HTR2C: variants seen among roughly 807,000 people sequenced by gnomAD.
The protein encoded by HTR2C is 5-hydroxytryptamine (serotonin) receptor 2C, G protein-coupled.
Under a neutral mutation model 21.0 loss-of-function variants are expected in HTR2C, and 5 were observed. The ratio of observed to expected loss-of-function variants is 0.24; its 90% CI spans 0.12 to 0.50. The LOEUF (loss-of-function observed/expected upper bound fraction) is 0.50. Among genes scored for constraint, HTR2C ranks in the 20% least tolerant of loss-of-function variants. HTR2C has a pLI of 0.98. For missense variants in HTR2C, 271 were observed against 371.2 expected (o/e 0.73, Z 2.22); for synonymous variants, 150 against 145.3 (o/e 1.03, Z -0.23).
chrX:114,735,390 A>G (rs1556424267), intron 4 of HTR2C, among the ~76,000 whole-genome samples: 1 of 111,744 alleles, frequency 8.9e-6, no homozygotes, highest in African/African-American at 3.2e-5. Context: ...TTCATCTAAC[A>G]AAGGGATGAC....
At chrX:114,731,153 G>C (rs1354502952) in intron 3 of HTR2C, 141 bp from the exon 4 acceptor site, 3 of 449,227 alleles carry the variant, frequency 6.7e-6, no homozygotes, top group Non-Finnish European at 1.2e-5. Flanking sequence ...TAAGAGAGTA[G>C]AAATAATGAT....
At chrX:114,753,330 A>G (rs147298128) in intron 4 of HTR2C, among the ~76,000 whole-genome samples, 3,467 of 111,910 alleles carry the variant, frequency 0.031, 53 homozygotes, top group Non-Finnish European at 0.048. Flanking sequence ...AAGGATATCA[A>G]TGTTCACCAC....
chrX:114,830,604 A>AT (rs1481508700), intron 4 of HTR2C, among the ~76,000 whole-genome samples: 1 of 107,515 alleles, frequency 9.3e-6, no homozygotes, highest in Non-Finnish European at 1.9e-5. Context: ...TTATTTATTT[A>AT]TTTTTTTTAG....
chrX:114,600,936 C>A (rs1928060155), intron 1 of HTR2C, among the ~76,000 whole-genome samples: 1 of 111,352 alleles, frequency 9.0e-6, no homozygotes, highest in African/African-American at 3.3e-5. Flanking sequence ...GAATTGTTTT[C>A]TTTAATTTTT....
chrX:114,796,902 A>C (rs1304265652), intron 4 of HTR2C, among the ~76,000 whole-genome samples: 1 of 111,743 alleles, frequency 8.9e-6, no homozygotes, highest in Non-Finnish European at 1.9e-5. Flanking sequence ...GGTCATGCAG[A>C]TGCATATTCC....
intron 5 of HTR2C, among the ~76,000 whole-genome samples, chrX:114,902,379 G>A (rs1396174882): frequency 9.1e-6 from 1 of 110,419 alleles, no homozygotes; most frequent in East Asian, 2.8e-4. Context: ...CAAAATAATC[G>A]AGGACTCCAA....
At chrX:114,893,253 G>A (rs2071272330) in intron 5 of HTR2C, among the ~76,000 whole-genome samples, 1 of 110,479 alleles carries the variant, frequency 9.1e-6, no homozygotes, top group African/African-American at 3.3e-5. Flanking sequence ...GGACCTAGGA[G>A]AGTTAAAATA....
chrX:114,837,300 A>G (rs782184118), intron 4 of HTR2C, among the ~76,000 whole-genome samples: 1 of 112,147 alleles, frequency 8.9e-6, no homozygotes, highest in Admixed American at 9.5e-5. Context: ...TCACAAGTAA[A>G]TACATTTGGA....
chrX:114,819,994 A>T (rs1456571265), intron 4 of HTR2C, among the ~76,000 whole-genome samples: 11 of 109,817 alleles, frequency 1.0e-4, no homozygotes, highest in African/African-American at 3.6e-4. Context: ...TTTAATCTCT[A>T]TTTTAACATT....
At chrX:114,880,898 GT>G (rs2071176279) in intron 5 of HTR2C, among the ~76,000 whole-genome samples, 1 of 110,879 alleles carries the variant, frequency 9.0e-6, no homozygotes, top group African/African-American at 3.3e-5. Context: ...CAAAGATTTT[GT>G]TTAAATACTT....
chrX:114,661,326 C>T (rs868930739), intron 2 of HTR2C, among the ~76,000 whole-genome samples: 1 of 110,196 alleles, frequency 9.1e-6, no homozygotes, highest in Non-Finnish European at 1.9e-5. Context: ...CCTCTAGTCC[C>T]AGCTACTCGG....
At chrX:114,792,995 T>G (rs2147415631) in intron 4 of HTR2C, among the ~76,000 whole-genome samples, 1 of 112,077 alleles carries the variant, frequency 8.9e-6, no homozygotes, top group South Asian at 3.7e-4. Context: ...TTTAAGTTCC[T>G]TTTAAATGCT....
chrX:114,806,449 CTGTATATATAT>C (rs2070440301), intron 4 of HTR2C, among the ~76,000 whole-genome samples: 5 of 80,154 alleles, frequency 6.2e-5, no homozygotes, highest in African/African-American at 2.6e-4. Context: ...TATATATATA[CTGTATATATAT>C]ACACCATATA....
Position 114,907,489 on chromosome X carries a change from T to C in HTR2C, c.*74T>C. 1 of 754,902 alleles carries C rather than the reference T, an allele frequency of 1.3e-6. No individual in the cohort carries two copies. Among genetic ancestry groups the C allele is most frequent in the Non-Finnish European group, 2.0e-6 (1 of 504,635 alleles). The allele number at this position is 754,902 out of a possible 1,213,427, so 62.2% of individuals were successfully genotyped here. On this transcript the variant is annotated 3_prime_UTR_variant, in exon 6 of 6. Transcript: ENST00000276198. ...AAATTTTCTTCTTTAATTTTTCTGTTGGTCTTAACTAATGTAAATATTGCT... is the reference window on the plus strand; with the variant it reads ...AAATTTTCTTCTTTAATTTTTCTGTCGGTCTTAACTAATGTAAATATTGCT...
intron 2 of HTR2C, among the ~76,000 whole-genome samples, chrX:114,682,018 C>G (rs1931762923): frequency 9.0e-6 from 1 of 111,083 alleles, no homozygotes; most frequent in African/African-American, 3.3e-5. Context: ...TATTTTTCAT[C>G]TTGAGTAGCT....
chrX:114,805,614 TCATATATATACCATATATATAC>T (rs1227725014), intron 4 of HTR2C, among the ~76,000 whole-genome samples: 88 of 5,993 alleles, frequency 0.015, 21 homozygotes, highest in African/African-American at 0.055. Context: ...TATATACACA[TCATATATATACCATATATATAC>T]CATATATATA....
intron 2 of HTR2C, among the ~76,000 whole-genome samples, chrX:114,647,236 T>A (rs1344917226): frequency 8.9e-6 from 1 of 111,776 alleles, no homozygotes; most frequent in Admixed American, 9.6e-5. Context: ...GGATTTTAAA[T>A]GTTCTCCCTA....
chrX:114,794,089 T>A (rs144886300), intron 4 of HTR2C, among the ~76,000 whole-genome samples: 2,021 of 111,372 alleles, frequency 0.018, 50 homozygotes, highest in African/African-American at 0.063. Context: ...TAAAAGTCTA[T>A]GCTTTACTGT....
chrX:114,796,893 G>A (rs1349276134), intron 4 of HTR2C, among the ~76,000 whole-genome samples: 1 of 111,447 alleles, frequency 9.0e-6, no homozygotes, highest in Non-Finnish European at 1.9e-5. Flanking sequence ...GTTGTATCTG[G>A]TCATGCAGAT....
Sources: gnomAD v4.1 joint callset for allele counts (sites outside exome capture counted in the v4.1 genomes callset) on GRCh38, gnomAD v4.1.1 for gene constraint, MANE v1.5 for transcripts, NCBI Gene and HGNC (gene_info 2026-07-23, HGNC 2026-07-21) for gene names.